The following NIPBL variants were observed in gnomAD, a reference collection of about 807,000 sequenced individuals.
NIPBL encodes NIPBL cohesin loading factor, also known as nipped-B-like protein.
NIPBL carries 19 observed loss-of-function variants against 321.8 expected under a neutral mutation model. The ratio of observed to expected loss-of-function variants is 0.06; its 90% confidence interval spans 0.04 to 0.09. The LOEUF (loss-of-function observed/expected upper bound fraction) is 0.09. Among genes scored for constraint, NIPBL ranks in the 10% least tolerant of loss-of-function variants. The pLI, the probability that NIPBL is intolerant of heterozygous loss-of-function variation, is 1.00. For synonymous variants in NIPBL, 1,106 were observed against 1,114.1 expected (o/e 0.99, Z 0.14); for missense variants, 2,210 against 3,327.0 (o/e 0.66, Z 8.26).
At chr5:36,890,709 T>C (rs1293163088) in intron 1 of NIPBL, among the ~76,000 whole-genome samples, 1 of 152,220 alleles carries the variant, frequency 6.6e-6, no homozygotes, top group East Asian at 1.9e-4. Flanking sequence ...GTTCTCAGCT[T>C]TTGAGATTTC....
At chr5:36,927,175 A>G (rs1374299015) in intron 1 of NIPBL, among the ~76,000 whole-genome samples, 1 of 152,190 alleles carries the variant, frequency 6.6e-6, no homozygotes, top group African/African-American at 2.4e-5. Flanking sequence ...GAGAAAAGAA[A>G]GAATCCTCCA....
chr5:36,976,077 T>A lies in NIPBL; in HGVS notation c.1170T>A (p.Ile390=), dbSNP rs1416109484. 1 of 1,614,006 alleles carries A rather than the reference T, an allele frequency of 6.2e-7. No homozygotes were observed. Among genetic ancestry groups the A allele is most frequent in the Non-Finnish European group, 8.5e-7 (1 of 1,179,950 alleles). The change falls in exon 9 of 47, where the codon ATT becomes ATA. Residue 390 remains isoleucine (I), a synonymous_variant. Coordinates refer to ENST00000282516, the MANE Select transcript of NIPBL (RefSeq NM_133433.4). ...VENSNVSEND[I]PFNVQYPGQT... ...ATAGCAATGTTTCAGAAAATGATAT[T>A]CCTTTTAATGTGCAGTACCCAGGAC...
At chr5:37,017,291 T>C in intron 24 of NIPBL, 129 bp downstream of exon 24, 1 of 888,334 alleles carries the variant, frequency 1.1e-6, no homozygotes, top group Non-Finnish European at 1.7e-6. Context: ...AGTGGGCTTT[T>C]CAAAGCCCCA....
At chr5:36,999,467 C>A (rs1746533464) in intron 11 of NIPBL, among the ~76,000 whole-genome samples, 1 of 152,140 alleles carries the variant, frequency 6.6e-6, no homozygotes, top group Non-Finnish European at 1.5e-5. Context: ...TATAGTGCCC[C>A]CCAGCTCTTA....
At chr5:36,953,876 C>G (rs1287802376) in intron 2 of NIPBL, 116 bp downstream of exon 2, 2 of 875,854 alleles carry the variant, frequency 2.3e-6, no homozygotes, top group Non-Finnish European at 3.7e-6. Flanking sequence ...GAAATAGCAA[C>G]TGAAACTGCC....
intron 14 of NIPBL, 128 bp from the exon 15 acceptor site, chr5:37,002,534 T>C (rs1746940267): frequency 1.4e-6 from 1 of 693,302 alleles, no homozygotes; most frequent in South Asian, 1.5e-5. Flanking sequence ...GAGGTTTATA[T>C]ATAGAGGCGT....
At chr5:36,924,246 T>C (rs1027918902) in intron 1 of NIPBL, among the ~76,000 whole-genome samples, 1 of 152,208 alleles carries the variant, frequency 6.6e-6, no homozygotes, top group Non-Finnish European at 1.5e-5. Flanking sequence ...AATTTAAATA[T>C]AACTGTTTAA....
chr5:36,907,731 AT>A (rs1747747195), intron 1 of NIPBL, among the ~76,000 whole-genome samples: 1 of 152,176 alleles, frequency 6.6e-6, no homozygotes, highest in African/African-American at 2.4e-5. Context: ...TACCTTTACA[AT>A]AAAAATTTAA....
intron 2 of NIPBL, among the ~76,000 whole-genome samples, chr5:36,954,566 A>T (rs1740735945): frequency 6.6e-6 from 1 of 152,218 alleles, no homozygotes; most frequent in South Asian, 2.1e-4. Context: ...GGTAAGGCAT[A>T]AATAGGAGTT....
At chr5:36,888,487 TAAAG>T (rs1746082945) in intron 1 of NIPBL, among the ~76,000 whole-genome samples, 1 of 152,146 alleles carries the variant, frequency 6.6e-6, no homozygotes, top group African/African-American at 2.4e-5. Context: ...TAAGGAAAGT[TAAAG>T]GAAGGACTTT....
intron 1 of NIPBL, among the ~76,000 whole-genome samples, chr5:36,948,992 A>G (rs1314578831): frequency 1.3e-5 from 2 of 151,930 alleles, no homozygotes; most frequent in Non-Finnish European, 2.9e-5. Context: ...GATTTCTAAG[A>G]TAATATACAT....
intron 1 of NIPBL, among the ~76,000 whole-genome samples, chr5:36,901,532 G>A (rs541464776): frequency 4.4e-4 from 52 of 117,692 alleles, no homozygotes; most frequent in East Asian, 1.9e-3. Flanking sequence ...TTTTTGAGTC[G>A]GAGATTTGCT....
In NIPBL at chr5:37,000,477, G is replaced by A. The variant is rs1002700776; in HGVS notation, c.3409G>A (p.Gly1137Arg). ...TAGGAGAAGTGGCCACTCTCATGAA[G>A]GAAGAAGGAGTTCAGGTGGTGGTCG... ...DHRRSGHSHEGRRSSGGGRYR... is the reference protein window; with the variant it reads ...DHRRSGHSHERRRSSGGGRYR... The change falls in exon 12 of 47, where the codon GGA becomes AGA. Residue 1137 changes from glycine (G) to arginine (R), a missense_variant. Gly to Arg is a moderately radical substitution (Grantham distance 125). This residue lies in a region of NIPBL where 381 missense variants were observed against 642.3 expected (regional missense o/e 0.59). Transcript: ENST00000282516. 1 of 1,613,340 alleles carries A rather than the reference G, an allele frequency of 6.2e-7. No homozygotes were observed. The highest frequency in any genetic ancestry group is 8.5e-7 in the Non-Finnish European group (1 of 1,179,564).
rs1335789612 is a variant in NIPBL at position 37,048,798 on chromosome 5, C to T, written c.6763+123C>T. On this transcript the variant is annotated intron_variant, in intron 39 of 46. Transcript: ENST00000282516. ...TGAAGAAATTCAGTTAAATAGCAGT[C>T]CTTATGCTGAGGTCTATAGCTGGGC... The T allele has an allele frequency of 1.6e-5, 13 of 831,082 alleles. 1 individual carries two copies. The South Asian group carries it at 2.0e-4, about 13-fold the overall frequency. 51.5% of individuals were successfully genotyped at this position (831,082 alleles called of 1,614,324 possible).
chr5:37,018,652 A>G lies in NIPBL; in HGVS notation c.4921-659A>G, dbSNP rs950499767. 1.4e-4 allele frequency among the ~76,000 whole-genome samples: 22 copies of G among 152,276 alleles called. No individual in the cohort carries two copies. The South Asian group carries it at 4.4e-3, about 30-fold the overall frequency. On this transcript the variant is annotated intron_variant, in intron 24 of 46. Coordinates refer to ENST00000282516, the MANE Select transcript of NIPBL (RefSeq NM_133433.4). ...GAACCTCTTATTGCCATGTATGGCT[A>G]TGTTGATTATACATTGTGCAGCTCA...
At chr5:37,017,669 G>A (rs1388563715) in intron 24 of NIPBL, among the ~76,000 whole-genome samples, 2 of 151,302 alleles carry the variant, frequency 1.3e-5, no homozygotes. Context: ...AACTGGTGAA[G>A]AAATGATTTC....
intron 2 of NIPBL, 91 bp downstream of exon 2, chr5:36,953,851 T>C: frequency 8.8e-7 from 1 of 1,136,552 alleles, no homozygotes; most frequent in African/African-American, 1.5e-5. Flanking sequence ...ATAGGTTCTT[T>C]AAAACACATT....
intron 9 of NIPBL, 42 bp downstream of exon 9, chr5:36,976,444 T>A: frequency 6.3e-7 from 1 of 1,594,412 alleles, no homozygotes; most frequent in Non-Finnish European, 8.5e-7. Flanking sequence ...TCTGGGCAAA[T>A]ATGTAATTAT....
intron 11 of NIPBL, among the ~76,000 whole-genome samples, chr5:36,997,489 A>G (rs929680627): frequency 6.6e-6 from 1 of 152,138 alleles, no homozygotes; most frequent in African/African-American, 2.4e-5. Flanking sequence ...GCTTTCTATC[A>G]TGAAAGCTAT....
Sources: allele counts gnomAD v4.1 joint callset (sites outside exome capture counted in the v4.1 genomes callset), GRCh38; gene constraint gnomAD v4.1.1; regional missense constraint gnomAD v4.1.1; transcripts MANE v1.5; gene names NCBI Gene and HGNC (gene_info 2026-07-23, HGNC 2026-07-21).